The following NFATC1 variants were observed in gnomAD, a reference collection of about 807,000 sequenced individuals.
NFATC1 encodes the protein nuclear factor of activated T cells 1.
In NFATC1, 22 loss-of-function variants were observed where a neutral mutation model predicts 76.0. The ratio of observed to expected loss-of-function variants is 0.29; its 90% CI spans 0.21 to 0.41. The LOEUF (loss-of-function observed/expected upper bound fraction) is 0.41. Among genes scored for constraint, NFATC1 ranks in the 10% least tolerant of loss-of-function variants. The probability of loss-of-function intolerance (pLI) is 1.00; values close to 1 mark genes in which losing one functional copy is unlikely to be tolerated. For synonymous variants in NFATC1, 704 were observed against 613.1 expected, an observed-to-expected ratio of 1.15 and a Z score of -2.19; for missense variants, 1,357 against 1,337.7, an observed-to-expected ratio of 1.01 and a Z score of -0.23.
chr18:79,508,231 G>A (rs566502913), intron 9 of NFATC1, among the ~76,000 whole-genome samples: 1 of 151,940 alleles, frequency 6.6e-6, no homozygotes, highest in Admixed American at 6.6e-5. Context: ...GAGGGAGGGA[G>A]GGACGGACGG....
At chr18:79,424,865 CTCTCCATCTCTGTCTCTT>C (rs2086242930) in intron 2 of NFATC1, among the ~76,000 whole-genome samples, 3 of 139,562 alleles carry the variant, frequency 2.1e-5, no homozygotes, top group Non-Finnish European at 5.0e-5. Context: ...CTCTCTCTGT[CTCTCCATCTCTGTCTCTT>C]TCTCCATCTC....
chr18:79,464,139 G>A (rs2088302441), intron 7 of NFATC1, among the ~76,000 whole-genome samples: 1 of 152,172 alleles, frequency 6.6e-6, no homozygotes, highest in Non-Finnish European at 1.5e-5. Flanking sequence ...ACCCAGATTG[G>A]AGTGCAGTGG....
At chr18:79,409,365 TCCA>T (rs1455748822) in intron 1 of NFATC1, among the ~76,000 whole-genome samples, 8 of 151,000 alleles carry the variant, frequency 5.3e-5, no homozygotes, top group Non-Finnish European at 8.9e-5. Flanking sequence ...TCATCATTCA[TCCA>T]TCCATCCATC....
chr18:79,396,210 G>T lies in NFATC1; in HGVS notation c.-15G>T, dbSNP rs747870051. On this transcript the variant is annotated 5_prime_UTR_variant, in exon 1 of 10. Transcript: ENST00000427363. ...GCCTCCGCCCGCCGCTCCACTCCCC[G>T]CCGCCGCCGCGCGGATGCCAAGCAC... The T allele has an allele frequency of 7.0e-7, 1 of 1,434,966 alleles. No homozygotes were observed. Among genetic ancestry groups the T allele is most frequent in the African/African-American group, 1.5e-5 (1 of 67,024 alleles). 88.9% of individuals were successfully genotyped at this position (1,434,966 alleles called of 1,614,324 possible). A position where few individuals can be genotyped will look rare whatever the true frequency, so the allele number is the denominator to read the frequency against.
intron 9 of NFATC1, among the ~76,000 whole-genome samples, chr18:79,491,975 G>A (rs900509899): frequency 6.6e-6 from 1 of 152,240 alleles, no homozygotes; most frequent in African/African-American, 2.4e-5. Context: ...GAGACAGCCC[G>A]GGGCTCCTCA....
chr18:79,419,051 G>A (rs1038539667), intron 2 of NFATC1, among the ~76,000 whole-genome samples: 4 of 152,164 alleles, frequency 2.6e-5, no homozygotes, highest in African/African-American at 9.7e-5. Flanking sequence ...TTGAGCCAGG[G>A]TCTTGCTCTG....
rs982311406 is a variant in NFATC1 at position 79,467,525 on chromosome 18, T to G, written c.2035T>G (p.Cys679Gly). Residue 679 changes from cysteine to glycine, a missense_variant, in exon 8 of 10, where the codon TGC (cysteine) becomes GGC (glycine). This residue lies in a region of NFATC1 where 424 missense variants were observed against 395.4 expected (regional missense o/e 1.07). Transcript: ENST00000427363. Reference sequence around the variant, plus strand: ...CCCCGTTCACGTCAGTTTCTACGTCTGCAACGGGAAGAGAAAGCGAAGCCA... The same window carrying G: ...CCCCGTTCACGTCAGTTTCTACGTCGGCAACGGGAAGAGAAAGCGAAGCCA... ...TSPVHVSFYV[C>G]NGKRKRSQYQ... The G allele has an allele frequency of 1.2e-6, 2 of 1,613,864 alleles. No homozygotes were observed. The highest frequency in any genetic ancestry group is 1.7e-6 in the Non-Finnish European group (2 of 1,179,940).
chr18:79,431,757 C>T (rs1040546689), intron 2 of NFATC1, among the ~76,000 whole-genome samples: 2 of 151,888 alleles, frequency 1.3e-5, no homozygotes, highest in African/African-American at 4.8e-5. Context: ...GGCTGGAGTG[C>T]AGTGGCGCGA....
At chr18:79,425,914 A>T (rs2086311720) in intron 2 of NFATC1, among the ~76,000 whole-genome samples, 1 of 152,220 alleles carries the variant, frequency 6.6e-6, no homozygotes, top group Non-Finnish European at 1.5e-5. Flanking sequence ...CAGATAAACC[A>T]CGATAAATGA....
At chr18:79,437,113 G>A (rs1246051236) in intron 3 of NFATC1, among the ~76,000 whole-genome samples, 1 of 152,208 alleles carries the variant, frequency 6.6e-6, no homozygotes, top group African/African-American at 2.4e-5. Context: ...GCAGCCCCTG[G>A]TGGACGTGGT....
intron 9 of NFATC1, among the ~76,000 whole-genome samples, chr18:79,489,460 G>A (rs946429517): frequency 8.5e-5 from 13 of 152,182 alleles, no homozygotes; most frequent in African/African-American, 1.9e-4. Context: ...CCCAGGATTC[G>A]CCAGCTGTAA....
intron 9 of NFATC1, chr18:79,496,825 G>A (rs1383512517): frequency 6.6e-6 from 1 of 152,262 alleles, no homozygotes; most frequent in African/African-American, 2.4e-5. Context: ...TTCAGCCTTA[G>A]AATGGCACTG....
chr18:79,520,651 G>C (rs1419657986), intron 9 of NFATC1, among the ~76,000 whole-genome samples: 1 of 53,538 alleles, frequency 1.9e-5, no homozygotes, highest in East Asian at 8.3e-4. Context: ...TGTGTGTCGG[G>C]GGGGGCATCC....
rs2090467741 is a variant in NFATC1 at position 79,519,715 on chromosome 18, C to T, written c.2783-7813C>T. 3.3e-5 allele frequency among the ~76,000 whole-genome samples: 5 copies of T among 152,152 alleles called. No individual in the cohort carries two copies. The South Asian group carries it at 1.0e-3, about 32-fold the overall frequency. ...ATGTTTTAGGAATTGCTTTTCCTCC[C>T]GGGGCTTGCATGTTTAAATTTTTAT... On this transcript the variant is annotated intron_variant, in intron 9 of 9. Transcript: ENST00000427363.
intron 1 of NFATC1, among the ~76,000 whole-genome samples, chr18:79,403,932 C>T (rs1328155061): frequency 1.3e-5 from 2 of 152,204 alleles, no homozygotes; most frequent in African/African-American, 4.8e-5. Context: ...CTCTGTTGTT[C>T]AAGTTCAGTG....
chr18:79,396,555 C>T (rs893825458), intron 1 of NFATC1, among the ~76,000 whole-genome samples: 1 of 152,158 alleles, frequency 6.6e-6, no homozygotes, highest in Non-Finnish European at 1.5e-5. Flanking sequence ...AGCGCGCCTT[C>T]TGCCAATAGG....
At chr18:79,455,514 C>A (rs904473148) in intron 6 of NFATC1, among the ~76,000 whole-genome samples, 3 of 152,154 alleles carry the variant, frequency 2.0e-5, no homozygotes, top group Non-Finnish European at 2.9e-5. Context: ...GGCTCCTAGG[C>A]CCAGGCCTGG....
chr18:79,520,648 CGGG>C (rs1293305306), intron 9 of NFATC1, among the ~76,000 whole-genome samples: 5 of 11,574 alleles, frequency 4.3e-4, no homozygotes, highest in Non-Finnish European at 7.1e-4. Context: ...GTCTGTGTGT[CGGG>C]GGGGGCATCC....
At chr18:79,519,791 C>T (rs1438169478) in intron 9 of NFATC1, among the ~76,000 whole-genome samples, 1 of 152,226 alleles carries the variant, frequency 6.6e-6, no homozygotes, top group Non-Finnish European at 1.5e-5. Flanking sequence ...GGGTCTCCGT[C>T]CGTGAAGGAC....
Sources: allele counts gnomAD v4.1 joint callset (sites outside exome capture counted in the v4.1 genomes callset), GRCh38; gene constraint gnomAD v4.1.1; regional missense constraint gnomAD v4.1.1; transcripts MANE v1.5; gene names NCBI Gene and HGNC (gene_info 2026-07-23, HGNC 2026-07-21).